The following CTSG variants were observed in gnomAD, a reference collection of about 807,000 sequenced individuals.
CTSG encodes the protein cathepsin G.
A neutral mutation model predicts 23.0 loss-of-function variants in CTSG; 23 were observed. That is an observed-to-expected ratio of 1.00 (90% CI 0.72 to 1.42). The LOEUF is 1.42. Ranked by LOEUF, CTSG falls within the 40% of genes most tolerant of loss-of-function variation. The pLI is 0.00. For missense variants in CTSG, 312 were observed against 326.2 expected (o/e 0.96, Z 0.33); for synonymous variants, 140 against 130.4 (o/e 1.07, Z -0.50).
chr14:24,574,233 C>T lies in CTSG; in HGVS notation c.594+12G>A. On this transcript the variant is annotated intron_variant, in intron 4 of 4. Transcript: ENST00000216336. ...CTCTCCCGGGGTGTGTTGGCCAATG[C>T]CCATGCCTTACCTTGAAGGCAGCCT... 6.3e-7 allele frequency: 1 copy of T among 1,599,392 alleles called. No individual in the cohort carries two copies. The highest frequency in any genetic ancestry group is 2.2e-5 in the East Asian group (1 of 44,852).
chr14:24,574,914 C>T, intron 2 of CTSG, 104 bp from the exon 3 acceptor site: 2 of 1,480,002 alleles, frequency 1.4e-6, no homozygotes, highest in Non-Finnish European at 1.9e-6. Context: ...TAACCAGAAT[C>T]GAGGGGATGG....
rs146382228 is a variant in CTSG at position 24,575,168 on chromosome 14, C to T, written c.203+97G>A. On this transcript the variant is annotated intron_variant, in intron 2 of 4. Coordinates refer to ENST00000216336, the MANE Select transcript of CTSG (RefSeq NM_001911.3). ...AGACTCACTTGGTCTTTCTTTCACC[C>T]TTTCATTGCTACAACTCTTCTTTCA... 222 of 1,433,552 alleles carry T rather than the reference C, an allele frequency of 1.5e-4. No individual in the cohort carries two copies. The African/African-American group carries it at 2.9e-3, about 19-fold the overall frequency. 88.8% of individuals were successfully genotyped at this position (1,433,552 alleles called of 1,614,324 possible). A position where few individuals can be genotyped will look rare whatever the true frequency, so the allele number is the denominator to read the frequency against.
rs758122544 is a variant in CTSG at position 24,573,762 on chromosome 14, C to G, written c.643G>C (p.Val215Leu). The change falls in exon 5 of 5, where the codon GTC becomes CTC. Residue 215 changes from valine (V) to leucine (L), a missense_variant. Coordinates refer to ENST00000216336, the MANE Select transcript of CTSG (RefSeq NM_001911.3). ...ACCCCTGACGACTTTCCATAGGAGA[C>G]GATGCCGTGGGCCACATTGTTACAC... ...LLCNNVAHGIVSYGKSSGVPP... is the reference protein window; with the variant it reads ...LLCNNVAHGILSYGKSSGVPP... 2 of 1,614,070 alleles carry G rather than the reference C, an allele frequency of 1.2e-6. No individual in the cohort carries two copies. Among genetic ancestry groups the G allele is most frequent in the Admixed American group, 3.3e-5 (2 of 60,024 alleles).
At chr14:24,575,226 T>C (rs1392453281) in intron 2 of CTSG, 39 bp downstream of exon 2, 2 of 1,613,040 alleles carry the variant, frequency 1.2e-6, no homozygotes, top group Non-Finnish European at 1.7e-6. Context: ...TCCGCAGGGC[T>C]GTGTTCCTGG....
At chr14:24,573,926 G>A (rs916135111) in intron 4 of CTSG, 116 bp from the exon 5 acceptor site, 4 of 949,742 alleles carry the variant, frequency 4.2e-6, no homozygotes, top group Non-Finnish European at 6.3e-6. Flanking sequence ...CTGGGTGTGT[G>A]TGAGATGGAA....
chr14:24,574,559 C>T (rs921094753), intron 3 of CTSG, 60 bp from the exon 4 acceptor site: 45 of 1,610,898 alleles, frequency 2.8e-5, no homozygotes, highest in Non-Finnish European at 3.6e-5. Flanking sequence ...GCTCGGGGGT[C>T]GCTGGTGCAG....
chr14:24,574,571 A>G (rs536703647), intron 3 of CTSG, 72 bp from the exon 4 acceptor site: 1 of 1,611,366 alleles, frequency 6.2e-7, no homozygotes. Flanking sequence ...CTGGTGCAGT[A>G]CACATCCCAT....
rs886590242 is a variant in CTSG at position 24,575,411 on chromosome 14, C to T, written c.57G>A (p.Gly19=). 3.7e-6 allele frequency: 6 copies of T among 1,614,024 alleles called. No individual in the cohort carries two copies. In the Admixed American group the frequency reaches 1.0e-4, roughly 27 times the overall value. The change falls in exon 2 of 5, where the codon GGG becomes GGA. Residue 19 remains glycine, a splice_region_variant and synonymous_variant. Transcript: ENST00000216336. ...TGCTCTCCCGGCCTCCGATGATCTC[C>T]CCTGGAAGGAAGCATTTGGCACTTA... is the stretch of plus-strand genomic sequence containing the variant. ...AFLLPTGAEA[G]EIIGGRESRP...
chr14:24,576,246 C>A lies in CTSG; in HGVS notation c.-23G>T. On this transcript the variant is annotated 5_prime_UTR_variant, in exon 1 of 5. Transcript: ENST00000216336. ...CATCTTTCCTGAAAGGCTGCCCAGT[C>A]AGTTGCTGCTGTGCTTCCTCCTCCT... 1 of 1,595,654 alleles carries A rather than the reference C, an allele frequency of 6.3e-7. No individual in the cohort carries two copies. The highest frequency in any genetic ancestry group is 1.1e-5 in the South Asian group (1 of 87,602).
In CTSG at chr14:24,574,387, C is replaced by A; in HGVS notation, c.452G>T (p.Ser151Ile). 13 of 1,611,970 alleles carry A rather than the reference C, an allele frequency of 8.1e-6. No homozygotes were observed. Among genetic ancestry groups the A allele is most frequent in the Non-Finnish European group, 1.1e-5 (13 of 1,180,010 alleles). The change falls in exon 4 of 5, where the codon AGC becomes ATC. Residue 151 changes from serine to isoleucine, a missense_variant. Ser to Ile is a moderately radical substitution (Grantham distance 142). Transcript: ENST00000216336. ...LCTVAGWGRV[S>I]MRRGTDTLRE... ...GAGTGTATCTGTTCCCCTCCTCATG[C>A]TGACCCTGCCCCAGCCGGCCACAGT...
intron 4 of CTSG, 71 bp from the exon 5 acceptor site, chr14:24,573,881 C>G (rs2066727332): frequency 1.4e-6 from 2 of 1,417,812 alleles, no homozygotes; most frequent in Admixed American, 4.0e-5. Context: ...TCCGGGCTCT[C>G]AGGGAAGGCA....
chr14:24,574,150 C>T, intron 4 of CTSG, 95 bp downstream of exon 4: 5 of 1,496,610 alleles, frequency 3.3e-6, no homozygotes, highest in Non-Finnish European at 4.5e-6. Flanking sequence ...GTCTGGCTGC[C>T]AGGCTGAGGC....
intron 4 of CTSG, 51 bp from the exon 5 acceptor site, chr14:24,573,861 T>C: frequency 6.4e-7 from 1 of 1,552,802 alleles, no homozygotes; most frequent in Non-Finnish European, 8.8e-7. Flanking sequence ...CTGCTCCTGC[T>C]TCCCTGAGCT....
chr14:24,574,912 A>T, intron 2 of CTSG, 102 bp from the exon 3 acceptor site: 1 of 1,481,586 alleles, frequency 6.7e-7, no homozygotes, highest in South Asian at 1.2e-5. Context: ...GCTAACCAGA[A>T]TCGAGGGGAT....
At chr14:24,574,212 C>G in intron 4 of CTSG, 33 bp downstream of exon 4, 1 of 1,598,196 alleles carries the variant, frequency 6.3e-7, no homozygotes, top group Non-Finnish European at 8.5e-7. Context: ...GCCCCTCTCT[C>G]CCGGGGTGTG....
chr14:24,576,246 C>T lies in CTSG; in HGVS notation c.-23G>A. On this transcript the variant is annotated 5_prime_UTR_variant, in exon 1 of 5. Transcript: ENST00000216336. Reference sequence around the variant, plus strand: ...CATCTTTCCTGAAAGGCTGCCCAGTCAGTTGCTGCTGTGCTTCCTCCTCCT... The same window carrying T: ...CATCTTTCCTGAAAGGCTGCCCAGTTAGTTGCTGCTGTGCTTCCTCCTCCT... 6.3e-7 allele frequency: 1 copy of T among 1,595,656 alleles called. No homozygotes were observed. Among genetic ancestry groups the T allele is most frequent in the Non-Finnish European group, 8.5e-7 (1 of 1,170,934 alleles).
intron 4 of CTSG, 29 bp downstream of exon 4, chr14:24,574,216 G>A: frequency 6.3e-7 from 1 of 1,598,574 alleles, no homozygotes; most frequent in Non-Finnish European, 8.5e-7. Flanking sequence ...CTCTCTCCCG[G>A]GGTGTGTTGG....
chr14:24,574,564 G>C, intron 3 of CTSG, 65 bp from the exon 4 acceptor site: 3 of 1,611,376 alleles, frequency 1.9e-6, no homozygotes, highest in Non-Finnish European at 2.5e-6. Flanking sequence ...GGGGTCGCTG[G>C]TGCAGTACAC....
At position 24,574,490 on chromosome 14, in the gene CTSG, T is replaced by C; in HGVS notation, c.349A>G (p.Arg117Gly). Residue 117 changes from arginine to glycine, a missense_variant, in exon 4 of 5, where the codon AGA (arginine) becomes GGA (glycine). By Grantham distance (125) the Arg-to-Gly change is moderately radical. Coordinates refer to ENST00000216336, the MANE Select transcript of CTSG (RefSeq NM_001911.3). ...NDIMLLQLSR[R>G]VRRNRNVNPV... ...TTCACGTTTCGATTCCGTCTGACTC[T>C]TCTGCTCAGCTGGAGGAAGAATGTA... 6.2e-7 allele frequency: 1 copy of C among 1,613,976 alleles called. No individual in the cohort carries two copies. The highest frequency in any genetic ancestry group is 8.5e-7 in the Non-Finnish European group (1 of 1,180,006).
Sources: gnomAD v4.1 joint callset for allele counts on GRCh38, gnomAD v4.1.1 for gene constraint, MANE v1.5 for transcripts, NCBI Gene and HGNC (gene_info 2026-07-23, HGNC 2026-07-21) for gene names.